Variants in PDIA6 observed in about 807,000 individuals in gnomAD.
The protein encoded by PDIA6 is protein disulfide isomerase family A member 6, also known as protein disulfide-isomerase A6.
Under a neutral mutation model 58.4 loss-of-function variants are expected in PDIA6, and 29 were observed. That is an observed-to-expected ratio of 0.50 (90% CI 0.37 to 0.68). The LOEUF is 0.68. Among genes scored for constraint, PDIA6 ranks in the 30% least tolerant of loss-of-function variants. The probability of loss-of-function intolerance (pLI) is 0.00; values close to 1 mark genes in which losing one functional copy is unlikely to be tolerated. For missense variants in PDIA6, 480 were observed against 551.0 expected (o/e 0.87, Z 1.29); for synonymous variants, 192 against 202.6 (o/e 0.95, Z 0.44).
chr2:10,794,473 T>C (rs1473241201), intron 4 of PDIA6, among the ~76,000 whole-genome samples: 1 of 35,884 alleles, frequency 2.8e-5, no homozygotes, highest in African/African-American at 6.4e-5. Flanking sequence ...TCTTTCTTTT[T>C]TTTTTTTTTT....
intron 6 of PDIA6, among the ~76,000 whole-genome samples, chr2:10,791,409 G>C (rs1328286964): frequency 6.6e-6 from 1 of 152,196 alleles, no homozygotes; most frequent in African/African-American, 2.4e-5. Flanking sequence ...GCCTCCCAAA[G>C]AGCTAGGATT....
At chr2:10,811,269 C>T (rs1344445515) in intron 1 of PDIA6, among the ~76,000 whole-genome samples, 1 of 152,208 alleles carries the variant, frequency 6.6e-6, no homozygotes, top group East Asian at 1.9e-4. Flanking sequence ...GTGACTGACA[C>T]TTGTAATCCC....
chr2:10,788,568 GA>G (rs139639749), intron 10 of PDIA6, 128 bp downstream of exon 10: 30,220 of 588,228 alleles, frequency 0.051, 77 homozygotes, highest in East Asian at 0.073. Context: ...AGGCAGGAGG[GA>G]AAAAAAAAAA....
chr2:10,792,026 G>A (rs1666058301), intron 5 of PDIA6, 101 bp from the exon 6 acceptor site: 10 of 1,279,450 alleles, frequency 7.8e-6, no homozygotes, highest in Non-Finnish European at 1.1e-6. Flanking sequence ...AAGTTTTAGG[G>A]TTTTTCTTTA....
chr2:10,788,335 A>C (rs1238528543), intron 10 of PDIA6, among the ~76,000 whole-genome samples: 3 of 152,032 alleles, frequency 2.0e-5, no homozygotes, highest in Non-Finnish European at 2.9e-5. Flanking sequence ...TCCCATGATA[A>C]AGTTTTCACA....
intron 2 of PDIA6, among the ~76,000 whole-genome samples, chr2:10,798,574 A>C (rs1017158707): frequency 3.9e-3 from 96 of 24,812 alleles, no homozygotes; most frequent in East Asian, 0.028. Context: ...TCCCCCACCC[A>C]AAAAAAAAAA....
At position 10,793,262 on chromosome 2, in the gene PDIA6, C is replaced by T. The variant is rs1666119098; in HGVS notation, c.347-60G>A. 4 of 1,146,042 alleles carry T rather than the reference C, an allele frequency of 3.5e-6. No individual in the cohort carries two copies. In the South Asian group the frequency reaches 5.0e-5, roughly 14 times the overall value. 71.0% of individuals were successfully genotyped at this position (1,146,042 alleles called of 1,614,324 possible). On this transcript the variant is annotated intron_variant, in intron 4 of 12. Coordinates refer to ENST00000272227, the MANE Select transcript of PDIA6 (RefSeq NM_005742.4). ...GGCCTTCAGCAAGTGCCTCATCTGG[C>T]CCGGCCCAAGACTGTGTCTTTACCT...
At chr2:10,810,176 G>C in intron 1 of PDIA6, 1 of 789,290 alleles carries the variant, frequency 1.3e-6, no homozygotes, top group Non-Finnish European at 2.1e-6. Context: ...AGAACCCTAT[G>C]TGGTATGTGT....
At chr2:10,820,385 C>T (rs1686498) in intron 1 of PDIA6, among the ~76,000 whole-genome samples, 93,040 of 151,946 alleles carry the variant, frequency 0.61, 28,947 homozygotes, top group East Asian at 0.8. Context: ...TATTTTATTA[C>T]AGGTGTGTTT....
At chr2:10,785,451 G>A (rs1214687976) in intron 11 of PDIA6, among the ~76,000 whole-genome samples, 1 of 152,172 alleles carries the variant, frequency 6.6e-6, no homozygotes, top group Non-Finnish European at 1.5e-5. Context: ...CAGAGAGCGG[G>A]GTGCGTATGT....
chr2:10,808,988 T>TA (rs1666883180), intron 1 of PDIA6, among the ~76,000 whole-genome samples: 1 of 152,142 alleles, frequency 6.6e-6, no homozygotes, highest in African/African-American at 2.4e-5. Context: ...TTTTGTATTT[T>TA]AGTAGAGATG....
chr2:10,797,956 AG>A (rs1396226941), intron 2 of PDIA6, among the ~76,000 whole-genome samples, 199 bp from the exon 3 acceptor site: 3 of 143,616 alleles, frequency 2.1e-5, no homozygotes, highest in Admixed American at 2.0e-4. Context: ...GAGGCCGAGG[AG>A]GGAGGATCAC....
chr2:10,827,305 C>A (rs774202506), intron 1 of PDIA6, among the ~76,000 whole-genome samples: 1 of 151,796 alleles, frequency 6.6e-6, no homozygotes, highest in Non-Finnish European at 1.5e-5. Context: ...TCAGATGATC[C>A]GCCCTCCTCA....
At chr2:10,826,890 T>C (rs1734405) in intron 1 of PDIA6, among the ~76,000 whole-genome samples, 151,156 of 152,230 alleles carry the variant, frequency 0.99, 75,055 homozygotes, top group Middle Eastern at 1. Context: ...GGCTGGTTCC[T>C]GCCTTCGGGC....
intron 1 of PDIA6, among the ~76,000 whole-genome samples, chr2:10,828,817 G>C (rs1292899591): frequency 2.0e-5 from 3 of 152,212 alleles, no homozygotes; most frequent in Admixed American, 6.5e-5. Context: ...TCTGGCCCCC[G>C]GGTCACAAGT....
At chr2:10,818,481 A>AATTT (rs750321012) in intron 2 of PDIA6, among the ~76,000 whole-genome samples, 3,022 of 115,266 alleles carry the variant, frequency 0.026, 43 homozygotes, top group South Asian at 0.042. Context: ...TTAACCATTT[A>AATTT]ATTTATTTAT....
chr2:10,793,306 G>C (rs1367594498), intron 4 of PDIA6, 104 bp from the exon 5 acceptor site: 6 of 712,250 alleles, frequency 8.4e-6, no homozygotes, highest in Non-Finnish European at 1.5e-5. Flanking sequence ...GCTTCACCAG[G>C]TGTGACACAG....
At chr2:10,834,724 T>TCCCTTCCCTCCC (rs1198670381), upstream of PDIA6, among the ~76,000 whole-genome samples, 412 of 16,612 alleles carry the variant, frequency 0.025, 9 homozygotes, top group African/African-American at 0.075. Flanking sequence ...CCTCCCTCCC[T>TCCCTTCCCTCCC]TCCTTCCCTC....
rs1464139212 is a variant in PDIA6, at chr2:10,795,459, C to CA, written c.346+1621dup. ...TTGGAGCTGGGGAGCCTAGCAGAGA[C>CA]AACGTGTCCAAGGCCACATCTTCAT... On this transcript the variant is annotated intron_variant, in intron 4 of 12. Transcript: ENST00000272227. 3.4e-5 allele frequency among the ~76,000 whole-genome samples: 5 copies of CA among 148,904 alleles called. No individual in the cohort carries two copies. The East Asian group carries it at 9.9e-4, about 29-fold the overall frequency.
Sources: gnomAD v4.1 joint callset for allele counts (sites outside exome capture counted in the v4.1 genomes callset) on GRCh38, gnomAD v4.1.1 for gene constraint, MANE v1.5 for transcripts, NCBI Gene and HGNC (gene_info 2026-07-23, HGNC 2026-07-21) for gene names.